The following ROBO2 variants were observed in gnomAD, a reference collection of about 807,000 sequenced individuals.
ROBO2 encodes roundabout homolog 2.
Under a neutral mutation model 160.8 loss-of-function variants are expected in ROBO2, and 53 were observed. The ratio of observed to expected loss-of-function variants is 0.33; its 90% CI spans 0.26 to 0.41. The LOEUF (loss-of-function observed/expected upper bound fraction) is 0.41, where lower values mean the gene tolerates loss of function less well. Among genes scored for constraint, ROBO2 ranks in the 10% least tolerant of loss-of-function variants. ROBO2 has a pLI of 1.00. For missense variants in ROBO2, 1,577 were observed against 1,722.4 expected, an observed-to-expected ratio of 0.92 and a Z score of 1.49; for synonymous variants, 664 against 611.7, an observed-to-expected ratio of 1.09 and a Z score of -1.26.
chr3:76,312,658 G>T (rs181684613), intron 2 of ROBO2, among the ~76,000 whole-genome samples: 1 of 152,170 alleles, frequency 6.6e-6, no homozygotes, highest in Non-Finnish European at 1.5e-5. Flanking sequence ...ATTTATGTTA[G>T]CCTGCATGCT....
intron 2 of ROBO2, among the ~76,000 whole-genome samples, chr3:77,428,691 G>A (rs1239916749): frequency 6.6e-6 from 1 of 152,128 alleles, no homozygotes; most frequent in East Asian, 1.9e-4. Context: ...TTGGATGCTT[G>A]TAGAATGGTG....
intron 2 of ROBO2, among the ~76,000 whole-genome samples, chr3:76,765,643 C>T (rs984455136): frequency 2.6e-5 from 4 of 151,632 alleles, no homozygotes; most frequent in Non-Finnish European, 5.9e-5. Flanking sequence ...TGTAAGTGCT[C>T]CACTTGAAAG....
intron 2 of ROBO2, among the ~76,000 whole-genome samples, chr3:76,796,511 AGAAGGAAGGAAGGAAG>A (rs144512442): frequency 8.3e-5 from 12 of 144,522 alleles, no homozygotes; most frequent in Non-Finnish European, 1.5e-4. Context: ...AAAGAAGGAA[AGAAGGAAGGAAGGAAG>A]GAAGGAAGGA....
At chr3:77,330,713 G>A (rs1456300597) in intron 2 of ROBO2, among the ~76,000 whole-genome samples, 1 of 152,042 alleles carries the variant, frequency 6.6e-6, no homozygotes, top group African/African-American at 2.4e-5. Context: ...TTGGTGGGAG[G>A]TTTTACAAGG....
chr3:76,455,073 G>A (rs148331374), intron 2 of ROBO2, among the ~76,000 whole-genome samples: 2 of 152,182 alleles, frequency 1.3e-5, no homozygotes, highest in East Asian at 1.9e-4. Flanking sequence ...TTATTGCAGT[G>A]TTTAAGAAAA....
chr3:76,189,382 A>G (rs773371258), intron 2 of ROBO2, among the ~76,000 whole-genome samples: 1 of 152,140 alleles, frequency 6.6e-6, no homozygotes, highest in Non-Finnish European at 1.5e-5. Flanking sequence ...ATGCCTTTGG[A>G]AAGTTTCTTC....
intron 2 of ROBO2, among the ~76,000 whole-genome samples, chr3:76,910,342 ATTC>A (rs980508992): frequency 2.6e-5 from 4 of 151,964 alleles, no homozygotes; most frequent in Admixed American, 1.3e-4. Flanking sequence ...GGCTATTCAA[ATTC>A]TTCTTTTTTT....
At chr3:75,920,500 C>T (rs1180532182) in intron 1 of ROBO2, among the ~76,000 whole-genome samples, 7 of 151,900 alleles carry the variant, frequency 4.6e-5, no homozygotes, top group African/African-American at 1.7e-4. Context: ...AAGAATGTAT[C>T]TTCTGTTGAT....
intron 2 of ROBO2, among the ~76,000 whole-genome samples, chr3:76,341,984 G>A (rs968576623): frequency 6.6e-6 from 1 of 152,020 alleles, no homozygotes; most frequent in African/African-American, 2.4e-5. Flanking sequence ...ACAATACTTT[G>A]GTATAAAATT....
chr3:76,032,171 T>C (rs2066944682), intron 2 of ROBO2, among the ~76,000 whole-genome samples: 1 of 152,208 alleles, frequency 6.6e-6, no homozygotes, highest in Non-Finnish European at 1.5e-5. Flanking sequence ...TCTCTGATGG[T>C]AGTTTGTATT....
chr3:76,407,091 A>C (rs2075239294), intron 2 of ROBO2, among the ~76,000 whole-genome samples: 1 of 149,526 alleles, frequency 6.7e-6, no homozygotes, highest in South Asian at 2.1e-4. Flanking sequence ...CACACCAGTT[A>C]CATTGTTTGC....
intron 2 of ROBO2, among the ~76,000 whole-genome samples, chr3:76,157,323 ACC>A (rs1386891373): frequency 6.6e-6 from 1 of 152,016 alleles, no homozygotes; most frequent in Non-Finnish European, 1.5e-5. Context: ...GGGTGGGGGC[ACC>A]TAAGAGATTT....
chr3:77,643,689 A>T (rs2095380033), intron 24 of ROBO2, among the ~76,000 whole-genome samples: 1 of 152,188 alleles, frequency 6.6e-6, no homozygotes, highest in African/African-American at 2.4e-5. Context: ...CAATCTTTGA[A>T]AAAATGTCTT....
intron 6 of ROBO2, among the ~76,000 whole-genome samples, chr3:77,523,387 AGAG>A (rs556162418): frequency 3.2e-4 from 49 of 151,510 alleles, no homozygotes; most frequent in South Asian, 2.1e-3. Flanking sequence ...AAATGAATAC[AGAG>A]GAGCTCTCCA....
intron 2 of ROBO2, among the ~76,000 whole-genome samples, chr3:77,247,997 G>A (rs1266082601): frequency 2.0e-5 from 3 of 152,054 alleles, no homozygotes; most frequent in Non-Finnish European, 2.9e-5. Flanking sequence ...TCCACCCACA[G>A]CCCCACCCCA....
intron 2 of ROBO2, among the ~76,000 whole-genome samples, chr3:76,291,013 G>T (rs977490699): frequency 6.6e-6 from 1 of 151,970 alleles, no homozygotes; most frequent in Non-Finnish European, 1.5e-5. Flanking sequence ...CTTTGTTATT[G>T]TGTCTCTGCA....
intron 2 of ROBO2, among the ~76,000 whole-genome samples, chr3:76,938,094 C>A (rs886855142): frequency 3.9e-5 from 6 of 152,156 alleles, no homozygotes; most frequent in Non-Finnish European, 5.9e-5. Flanking sequence ...GAAAACATTT[C>A]TTTCTATAAG....
rs184244885 is a variant in ROBO2, at chr3:77,308,500, G to C, written c.389-168914G>C. Among the ~76,000 whole-genome samples, 46 of 152,256 alleles carry C rather than the reference G, an allele frequency of 3.0e-4. 1 individual carries two copies. Among genetic ancestry groups the C allele is most frequent in the African/African-American group, 1.0e-3 (42 of 41,536 alleles). ...GACGCTGGATATATCCAAATAGACT[G>C]ATAGGAGAGCCCTGGCAGGAGAAAC... On this transcript the variant is annotated intron_variant, in intron 2 of 25. Coordinates refer to ENST00000461745, the Ensembl canonical transcript of ROBO2.
Position 76,811,616 on chromosome 3 carries a change from G to A in ROBO2, c.110-286398G>A, listed in dbSNP as rs576123732. ...ACCCTGTAGGCATTTTTAGCTCTGG[G>A]CCTTGTGTCCTCTGAGCTAGAAAAC... On this transcript the variant is annotated intron_variant, in intron 2 of 26. Transcript: ENST00000487694. 2.6e-5 allele frequency among the ~76,000 whole-genome samples: 4 copies of A among 152,124 alleles called. No homozygotes were observed. The South Asian group carries it at 8.3e-4, about 32-fold the overall frequency.
Sources: allele counts gnomAD v4.1 joint callset (sites outside exome capture counted in the v4.1 genomes callset), GRCh38; gene constraint gnomAD v4.1.1; transcripts MANE v1.5; gene names NCBI Gene and HGNC (gene_info 2026-07-23, HGNC 2026-07-21).